MRAP: variants seen among roughly 807,000 people sequenced by gnomAD.
The protein encoded by MRAP is melanocortin 2 receptor accessory protein, also known as melanocortin-2 receptor accessory protein.
In MRAP, 8 loss-of-function variants were observed where a neutral mutation model predicts 8.7. That is an observed-to-expected ratio of 0.92 (90% CI 0.54 to 1.66). The LOEUF (loss-of-function observed/expected upper bound fraction) is 1.66, where lower values mean the gene tolerates loss of function less well. MRAP is among the 40% of genes most tolerant of loss of function. The pLI is 0.00. For missense variants in MRAP, 237 were observed against 217.1 expected (o/e 1.09, Z -0.58); for synonymous variants, 95 against 95.5 (o/e 1.00, Z 0.03).
chr21:32,313,900 C>A, downstream of MRAP: 1 of 152,532 alleles, frequency 6.6e-6, no homozygotes, highest in Non-Finnish European at 1.5e-5. Flanking sequence ...AAATGCAGGC[C>A]TATGTGGAGC....
chr21:32,310,962 T>C (rs1420128549), intron 2 of MRAP: 1 of 152,240 alleles, frequency 6.6e-6, no homozygotes, highest in African/African-American at 2.4e-5. Flanking sequence ...GATGCATCTC[T>C]AGCCAAGTGT....
intron 1 of MRAP, among the ~76,000 whole-genome samples, chr21:32,292,134 A>G (rs2032060101): frequency 6.9e-6 from 1 of 145,434 alleles, no homozygotes; most frequent in African/African-American, 2.5e-5. Context: ...CAGGTGGGAT[A>G]ATATGGTTTT....
upstream of MRAP, chr21:32,298,786 C>A: frequency 1.7e-6 from 1 of 581,282 alleles, no homozygotes. Context: ...CGTTGTGAGA[C>A]ACACCCCCCT....
intron 1 of MRAP, among the ~76,000 whole-genome samples, chr21:32,301,340 T>C (rs926891202): frequency 6.6e-6 from 1 of 152,168 alleles, no homozygotes; most frequent in Non-Finnish European, 1.5e-5. Flanking sequence ...CCTTGGTGCT[T>C]TCTCATGATA....
chr21:32,314,562 A>ATAGTGTTC, downstream of MRAP: 2 of 1,613,964 alleles, frequency 1.2e-6, no homozygotes, highest in Non-Finnish European at 1.7e-6. Flanking sequence ...TTTAACACAG[A>ATAGTGTTC]TGAATCTCTT....
chr21:32,312,301 T>C, downstream of MRAP: 2 of 1,316,130 alleles, frequency 1.5e-6, no homozygotes, highest in Non-Finnish European at 2.0e-6. Context: ...GCTGTTTGCT[T>C]ACTAATCTTT....
intron 1 of MRAP, among the ~76,000 whole-genome samples, chr21:32,305,629 G>A (rs1209232916): frequency 2.6e-5 from 4 of 152,078 alleles, no homozygotes; most frequent in Admixed American, 6.5e-5. Context: ...ACAGTCCCTC[G>A]CAAAAGGCGC....
chr21:32,310,609 C>T (rs1380108372), intron 2 of MRAP, among the ~76,000 whole-genome samples: 4 of 151,994 alleles, frequency 2.6e-5, no homozygotes, highest in African/African-American at 9.7e-5. Flanking sequence ...CAGCACTTCC[C>T]GGGCAGGAGA....
chr21:32,314,663 G>A (rs772050472), downstream of MRAP: 8 of 1,610,018 alleles, frequency 5.0e-6, no homozygotes, highest in Non-Finnish European at 6.8e-6. Flanking sequence ...ACGAGGCACT[G>A]GATGGGCCTC....
chr21:32,300,721 G>GGTGTCATGCGTCCTATGTCAGA (rs1197069955), intron 1 of MRAP, among the ~76,000 whole-genome samples: 1 of 144,224 alleles, frequency 6.9e-6, no homozygotes, highest in African/African-American at 2.7e-5. Flanking sequence ...CCTATGTCGG[G>GGTGTCATGCGTCCTATGTCAGA]GCGTCATTCG....
chr21:32,299,105 G>A (rs2032200178), intron 1 of MRAP, 28 bp downstream of exon 1: 18 of 1,590,916 alleles, frequency 1.1e-5, no homozygotes, highest in Non-Finnish European at 1.5e-5. Context: ...AAGCCGGTCA[G>A]ACAGAGGCTG....
chr21:32,297,363 A>G (rs1443527967), upstream of MRAP, among the ~76,000 whole-genome samples: 1 of 152,146 alleles, frequency 6.6e-6, no homozygotes. Context: ...ACATAATGGA[A>G]TATAATAATC....
At position 32,312,133 on chromosome 21, in the gene MRAP, C is replaced by T; in HGVS notation, c.*137C>T. 1.3e-6 allele frequency: 2 copies of T among 1,541,052 alleles called. No homozygotes were observed. The stretch of plus-strand genomic sequence containing the variant: ...AGGTCAAGTGCAACTAGAGCAGGAG[C>T]ATCCTATGCCTTTGACAAAGATTGC... On this transcript the variant is annotated 3_prime_UTR_variant, in exon 3 of 3. Coordinates refer to ENST00000303645, the MANE Select transcript of MRAP (RefSeq NM_001379228.1).
Position 32,299,122 on chromosome 21 carries a change from G to A in MRAP, c.106+45G>A, listed in dbSNP as rs202128965. 219 of 1,511,222 alleles carry A rather than the reference G, an allele frequency of 1.4e-4. 1 individual carries two copies. In the East Asian group the frequency reaches 3.7e-3, roughly 26 times the overall value. The allele number at this position is 1,511,222 out of a possible 1,614,324, so 93.6% of individuals were successfully genotyped here. On this transcript the variant is annotated intron_variant, in intron 1 of 2. Coordinates refer to ENST00000303645, the MANE Select transcript of MRAP (RefSeq NM_001379228.1). ...GCCGGTCAGACAGAGGCTGGGGGCC[G>A]GGGCCCAAATGACTGGGCACTCCCG...
At chr21:32,309,459 T>G (rs35304892) in intron 2 of MRAP, among the ~76,000 whole-genome samples, 6,897 of 150,310 alleles carry the variant, frequency 0.046, 216 homozygotes, top group Non-Finnish European at 0.065. Context: ...ATTTTTTTTT[T>G]TTTGTTTTTG....
At chr21:32,306,219 C>G (rs2032411851) in intron 1 of MRAP, among the ~76,000 whole-genome samples, 1 of 152,052 alleles carries the variant, frequency 6.6e-6, no homozygotes, top group Non-Finnish European at 1.5e-5. Context: ...ACCAACGGCC[C>G]CTGGTAGGCG....
upstream of MRAP, among the ~76,000 whole-genome samples, chr21:32,295,663 A>C (rs2032126541): frequency 6.6e-6 from 1 of 152,114 alleles, no homozygotes; most frequent in Non-Finnish European, 1.5e-5. Context: ...ACTAGCCCAA[A>C]GTCCCAGAGT....
At chr21:32,314,506 CTCT>C (rs753137215), downstream of MRAP, 14 of 1,560,230 alleles carry the variant, frequency 9.0e-6, no homozygotes, top group African/African-American at 2.7e-5. Flanking sequence ...TTAAACATCT[CTCT>C]TCGTTTTCAT....
chr21:32,314,657 G>A (rs771307206), downstream of MRAP: 1 of 1,613,472 alleles, frequency 6.2e-7, no homozygotes, highest in South Asian at 1.1e-5. Context: ...GGCCTGACGA[G>A]GCACTGGATG....
Sources: gnomAD v4.1 joint callset for allele counts (sites outside exome capture counted in the v4.1 genomes callset) on GRCh38, gnomAD v4.1.1 for gene constraint, MANE v1.5 for transcripts, NCBI Gene and HGNC (gene_info 2026-07-23, HGNC 2026-07-21) for gene names.